RBMS3: variants seen among roughly 807,000 people sequenced by gnomAD.
The protein encoded by RBMS3 is RNA-binding motif, single-stranded-interacting protein 3.
Under a neutral mutation model 66.8 loss-of-function variants are expected in RBMS3, and 27 were observed. The observed-to-expected ratio is 0.40, with a 90% CI of 0.30 to 0.56. RBMS3 has a LOEUF of 0.56. Among genes scored for constraint, RBMS3 ranks in the 20% least tolerant of loss-of-function variants. The pLI is 0.40. For missense variants in RBMS3, 513 were observed against 549.5 expected (o/e 0.93, Z 0.66); for synonymous variants, 188 against 183.0 (o/e 1.03, Z -0.22).
chr3:29,445,457 G>T (rs1316679773), intron 2 of RBMS3, among the ~76,000 whole-genome samples: 1 of 151,880 alleles, frequency 6.6e-6, no homozygotes, highest in African/African-American at 2.4e-5. Flanking sequence ...TCAGGTTTCA[G>T]CTGTCAAACA....
intron 1 of RBMS3, among the ~76,000 whole-genome samples, chr3:29,361,681 A>G (rs1028174039): frequency 3.3e-5 from 5 of 152,216 alleles, no homozygotes; most frequent in Non-Finnish European, 7.3e-5. Context: ...ACTTTCAGGT[A>G]CACCAATCAG....
At chr3:29,724,654 T>C (rs967757237) in intron 4 of RBMS3, among the ~76,000 whole-genome samples, 1 of 152,200 alleles carries the variant, frequency 6.6e-6, no homozygotes, top group African/African-American at 2.4e-5. Flanking sequence ...GTTTTAGGGC[T>C]TAATGTATCT....
chr3:29,913,818 A>G (rs1257231956), intron 10 of RBMS3, among the ~76,000 whole-genome samples: 2 of 151,932 alleles, frequency 1.3e-5, no homozygotes, highest in Admixed American at 6.6e-5. Flanking sequence ...TTGTATCTCT[A>G]AGTATTTTCA....
intron 3 of RBMS3, among the ~76,000 whole-genome samples, chr3:29,500,135 A>G (rs1033933527): frequency 2.0e-5 from 3 of 151,582 alleles, no homozygotes; most frequent in South Asian, 2.1e-4. Context: ...AAAAAATAGT[A>G]TTAAGACACT....
At chr3:29,802,175 A>T (rs1254452138) in intron 6 of RBMS3, among the ~76,000 whole-genome samples, 1 of 152,184 alleles carries the variant, frequency 6.6e-6, no homozygotes, top group Non-Finnish European at 1.5e-5. Flanking sequence ...CTGAGTATAA[A>T]CCAGGAGCCC....
chr3:29,725,975 C>T (rs183445325), intron 4 of RBMS3, among the ~76,000 whole-genome samples: 2 of 152,230 alleles, frequency 1.3e-5, no homozygotes, highest in Admixed American at 1.3e-4. Flanking sequence ...TACTTGCAAA[C>T]CGAATCTGGC....
chr3:29,498,520 T>C (rs2043846705), intron 3 of RBMS3, among the ~76,000 whole-genome samples: 1 of 152,186 alleles, frequency 6.6e-6, no homozygotes, highest in African/African-American at 2.4e-5. Flanking sequence ...TGTAATACTA[T>C]GTAAATAACC....
chr3:29,393,468 G>A (rs1034631790), intron 1 of RBMS3, among the ~76,000 whole-genome samples: 1 of 152,078 alleles, frequency 6.6e-6, no homozygotes, highest in Non-Finnish European at 1.5e-5. Context: ...GTTATTCAAT[G>A]GAAAATCATC....
chr3:29,406,471 C>T (rs1251339169), intron 1 of RBMS3, among the ~76,000 whole-genome samples: 1 of 152,134 alleles, frequency 6.6e-6, no homozygotes, highest in South Asian at 2.1e-4. Flanking sequence ...CAATCCAAGC[C>T]CCTTTCTATG....
intron 3 of RBMS3, among the ~76,000 whole-genome samples, chr3:29,551,750 A>G (rs1259729174): frequency 6.6e-6 from 1 of 152,206 alleles, no homozygotes; most frequent in Non-Finnish European, 1.5e-5. Flanking sequence ...AGGTATCCAA[A>G]TCTATCTTTT....
Position 29,488,433 on chromosome 3 carries a change from TC to T in RBMS3, c.249-7del. 1.9e-6 allele frequency: 3 copies of T among 1,599,334 alleles called. No homozygotes were observed. Among genetic ancestry groups the T allele is most frequent in the Non-Finnish European group, 2.6e-6 (3 of 1,167,182 alleles). The stretch of plus-strand genomic sequence containing the variant: ...TAACATGGGTTTTTTTCTCTCTCTC[TC>T]TTTCAGGTATGGAAAAATTGTATCT... On this transcript the variant is annotated splice_region_variant and splice_polypyrimidine_tract_variant and intron_variant, in intron 2 of 14. Transcript: ENST00000383767.
At chr3:29,533,989 A>G (rs543784015) in intron 3 of RBMS3, among the ~76,000 whole-genome samples, 7 of 152,310 alleles carry the variant, frequency 4.6e-5, no homozygotes, top group African/African-American at 1.4e-4. Flanking sequence ...GTTCATGTCC[A>G]TTTTGTTCAT....
rs548240392 is a variant in RBMS3 at position 29,287,762 on chromosome 3, T to G, written c.75+6006T>G. 6.6e-5 allele frequency among the ~76,000 whole-genome samples: 10 copies of G among 152,170 alleles called. No individual in the cohort carries two copies. The South Asian group carries it at 2.1e-3, about 32-fold the overall frequency. On this transcript the variant is annotated intron_variant, in intron 1 of 14. Coordinates refer to ENST00000383767, the MANE Select transcript of RBMS3 (RefSeq NM_001003793.3). ...TCTATAGGATTAATCATACTAATCA[T>G]CACTACCATTCATATGTGATTGTTT... is the stretch of plus-strand genomic sequence containing the variant.
chr3:29,505,133 G>A (rs1384511389), intron 3 of RBMS3, among the ~76,000 whole-genome samples: 1 of 151,968 alleles, frequency 6.6e-6, no homozygotes, highest in Non-Finnish European at 1.5e-5. Context: ...TAAGTGACCA[G>A]ACCAATGTCA....
chr3:29,691,947 C>CTCTCTCTCTTTTTTTTTTTTT lies in RBMS3; in HGVS notation c.400-47772_400-47771insCTCTCTCTTTTTTTTTTTTTT, dbSNP rs1218393454. ...GTGTGACCCTTCTCTCTCTCTCTCT[C>CTCTCTCTCTTTTTTTTTTTTT]TATTTTTTTTTTTTTTTTTTGAGAT... On this transcript the variant is annotated intron_variant, in intron 4 of 14. Transcript: ENST00000383767. Among the ~76,000 whole-genome samples the CTCTCTCTCTTTTTTTTTTTTT allele has an allele frequency of 7.1e-4, 38 of 53,490 alleles. 1 individual carries two copies. The highest frequency in any genetic ancestry group is 1.9e-3 in the African/African-American group (25 of 13,392). The allele number at this position is 53,490 out of a possible 152,430, so 35.1% of individuals were successfully genotyped here.
intron 6 of RBMS3, among the ~76,000 whole-genome samples, chr3:29,826,730 A>G (rs2058221354): frequency 6.6e-6 from 1 of 152,136 alleles, no homozygotes; most frequent in South Asian, 2.1e-4. Flanking sequence ...CCCTGGATCA[A>G]TATTTCTCCT....
At chr3:29,304,266 C>T (rs1019505358) in intron 1 of RBMS3, among the ~76,000 whole-genome samples, 16 of 151,936 alleles carry the variant, frequency 1.1e-4, no homozygotes, top group African/African-American at 2.9e-4. Flanking sequence ...CTAGGGATAA[C>T]GTATGCAACT....
intron 1 of RBMS3, among the ~76,000 whole-genome samples, chr3:29,334,195 T>G (rs1431567695): frequency 6.6e-6 from 1 of 152,186 alleles, no homozygotes; most frequent in Non-Finnish European, 1.5e-5. Flanking sequence ...AGTTGTTGCA[T>G]TAGCCTTTTG....
intron 1 of RBMS3, among the ~76,000 whole-genome samples, chr3:29,325,564 GTA>G (rs1317580360): frequency 6.7e-6 from 1 of 150,032 alleles, no homozygotes; most frequent in African/African-American, 2.5e-5. Flanking sequence ...ATGTGTGTAT[GTA>G]TATATATACA....
Sources: allele counts gnomAD v4.1 joint callset (sites outside exome capture counted in the v4.1 genomes callset), GRCh38; gene constraint gnomAD v4.1.1; transcripts MANE v1.5; gene names NCBI Gene and HGNC (gene_info 2026-07-23, HGNC 2026-07-21).